The following SLC9A1 variants were observed in gnomAD, a reference collection of about 807,000 sequenced individuals.
SLC9A1 encodes solute carrier family 9 member A1, also known as sodium/hydrogen exchanger 1.
Under a neutral mutation model 67.9 loss-of-function variants are expected in SLC9A1, and 22 were observed. That is an observed-to-expected ratio of 0.32 (90% CI 0.23 to 0.46). The LOEUF is 0.46. SLC9A1 is among the 20% of genes least tolerant of loss of function. The pLI is 1.00. For missense variants in SLC9A1, 686 were observed against 1,094.8 expected (o/e 0.63, Z 5.27); for synonymous variants, 421 against 471.8 (o/e 0.89, Z 1.40).
chr1:27,118,200 G>A lies in SLC9A1; in HGVS notation c.353-3914C>T, dbSNP rs1323955591. On this transcript the variant is annotated intron_variant, in intron 1 of 11. Transcript: ENST00000263980. The surrounding 1 kb of genome is among the most constrained non-coding windows in gnomAD (Gnocchi z 4.3). Reference sequence around the variant, plus strand: ...CTGTTTTGTCTCTGGCGCTCAGTGAGCTGAAGGAGCTCTAGGCCCTGATGG... The same window carrying A: ...CTGTTTTGTCTCTGGCGCTCAGTGAACTGAAGGAGCTCTAGGCCCTGATGG... 6.6e-6 allele frequency among the ~76,000 whole-genome samples: 1 copy of A among 152,184 alleles called. No homozygotes were observed. Among genetic ancestry groups the A allele is most frequent in the Non-Finnish European group, 1.5e-5 (1 of 68,030 alleles).
rs1321263814 is a variant in SLC9A1, at chr1:27,102,713, C to T, written c.1606G>A (p.Asp536Asn). ...TGGTGACCGTAGTGGCCACAGATGTCTTCGATGCCTGTCAGAAGGTGGTCC... is the reference window on the plus strand; with the variant it reads ...TGGTGACCGTAGTGGCCACAGATGTTTTCGATGCCTGTCAGAAGGTGGTCC... ...FLDHLLTGIE[D>N]ICGHYGHHHW... The change falls in exon 7 of 12, where the codon GAC becomes AAC. Residue 536 changes from aspartate (D) to asparagine (N), a missense_variant. Physicochemically the swap from Asp to Asn is conservative, Grantham distance 23. Around this residue, in one of 7 missense-constraint regions of SLC9A1, gnomAD observed 168 missense variants for 375.4 expected, o/e 0.45. Transcript: ENST00000263980. The T allele has an allele frequency of 6.2e-7, 1 of 1,613,800 alleles. No homozygotes were observed. The highest frequency in any genetic ancestry group is 1.7e-5 in the Admixed American group (1 of 60,008).
chr1:27,110,579 T>C (rs2083221187), intron 2 of SLC9A1, among the ~76,000 whole-genome samples: 1 of 152,238 alleles, frequency 6.6e-6, no homozygotes, highest in South Asian at 2.1e-4. Flanking sequence ...GTAAAGCCCT[T>C]TGATAGTCTT....
intron 3 of SLC9A1, 67 bp from the exon 4 acceptor site, chr1:27,107,932 C>G: frequency 8.1e-7 from 1 of 1,227,192 alleles, no homozygotes; most frequent in Non-Finnish European, 1.2e-6. Flanking sequence ...CCTCCACTGC[C>G]AGGGGCAATG....
chr1:27,106,746 GGTTT>G lies in SLC9A1; in HGVS notation c.1283-663_1283-660del, dbSNP rs2083187624. 1.3e-5 allele frequency among the ~76,000 whole-genome samples: 2 copies of G among 152,020 alleles called. No individual in the cohort carries two copies. Among genetic ancestry groups the G allele is most frequent in the Non-Finnish European group, 2.9e-5 (2 of 67,980 alleles). On this transcript the variant is annotated intron_variant, in intron 4 of 11. Transcript: ENST00000263980. The surrounding 1 kb of genome is among the most constrained non-coding windows in gnomAD (Gnocchi z 4.3). ...CACGTGTGCCCCGGCCTGCTGCATA[GGTTT>G]GGAGGACTGCACGTGGCTCTGCATG...
At position 27,109,009 on chromosome 1, in the gene SLC9A1, G is replaced by T. The variant is rs1428636726; in HGVS notation, c.1064+518C>A. 6.6e-6 allele frequency among the ~76,000 whole-genome samples: 1 copy of T among 152,122 alleles called. No individual in the cohort carries two copies. Among genetic ancestry groups the T allele is most frequent in the African/African-American group, 2.4e-5 (1 of 41,438 alleles). ...GCCAGGGGCTCTGAACCCCAGTTCT[G>T]CCTTGCTCGGCACTGGAACACCTTC... On this transcript the variant is annotated intron_variant, in intron 3 of 11. Transcript: ENST00000263980. The surrounding 1 kb of genome is among the most constrained non-coding windows in gnomAD (Gnocchi z 5.5).
At position 27,101,696 on chromosome 1, in the gene SLC9A1, A is replaced by G. The variant is rs1428258196; in HGVS notation, c.2037+29T>C. On this transcript the variant is annotated intron_variant, in intron 10 of 11. Transcript: ENST00000263980. This position sits in a 1 kb window ranked among gnomAD's most constrained non-coding sequence, Gnocchi z 4.9. ...GGAGCTTGGGCGAGTGGGGTGGGAT[A>G]CAGATTCCCAGAGGAAGGCAGAGGC... 2.7e-6 allele frequency: 4 copies of G among 1,500,366 alleles called. No homozygotes were observed. The Admixed American group carries it at 5.2e-5, about 20-fold the overall frequency. The allele number at this position is 1,500,366 out of a possible 1,614,324, so 92.9% of individuals were successfully genotyped here.
At chr1:27,110,201 ATGCAGTGTT>A (rs1046717730) in intron 2 of SLC9A1, among the ~76,000 whole-genome samples, 1 of 152,200 alleles carries the variant, frequency 6.6e-6, no homozygotes, top group African/African-American at 2.4e-5. Flanking sequence ...GCCTTACCTG[ATGCAGTGTT>A]AGCCACATCT....
intron 3 of SLC9A1, among the ~76,000 whole-genome samples, chr1:27,108,769 C>G (rs1279267519): frequency 6.6e-6 from 1 of 152,192 alleles, no homozygotes; most frequent in Non-Finnish European, 1.5e-5. Context: ...ACCACAGTGT[C>G]CAACTCCAAA....
At position 27,109,721 on chromosome 1, in the gene SLC9A1, G is replaced by A; in HGVS notation, c.870C>T (p.Asp290=). Reference sequence around the variant, plus strand: ...AGAAGCTCAGGAAGCCGAGGAAGATGTCCACGATGCCCACGTGTTCGTAGT... The same window carrying A: ...AGAAGCTCAGGAAGCCGAGGAAGATATCCACGATGCCCACGTGTTCGTAGT... ...FANYEHVGIV[D]IFLGFLSFFV... Residue 290 remains aspartate, a synonymous_variant, in exon 3 of 12, where the codon GAC becomes GAT. Transcript: ENST00000263980. This position sits in a 1 kb window ranked among gnomAD's most constrained non-coding sequence, Gnocchi z 5.5. The A allele has an allele frequency of 5.0e-6, 8 of 1,614,102 alleles. No homozygotes were observed. Among genetic ancestry groups the A allele is most frequent in the East Asian group, 4.5e-5 (2 of 44,878 alleles).
At chr1:27,150,488 G>A (rs887779694) in intron 1 of SLC9A1, among the ~76,000 whole-genome samples, 3 of 152,194 alleles carry the variant, frequency 2.0e-5, no homozygotes, top group Admixed American at 1.3e-4. Context: ...TGGGAGTCAG[G>A]TGAACATGGA....
chr1:27,135,524 G>GAAAAA (rs1464533443), intron 1 of SLC9A1, among the ~76,000 whole-genome samples: 16 of 70,362 alleles, frequency 2.3e-4, no homozygotes, highest in African/African-American at 1.2e-3. Context: ...CCTTTTTTCT[G>GAAAAA]GAAAAAAAAA....
chr1:27,122,742 C>T (rs950833717), intron 1 of SLC9A1, among the ~76,000 whole-genome samples: 4 of 152,236 alleles, frequency 2.6e-5, no homozygotes, highest in African/African-American at 9.7e-5. Flanking sequence ...ATCATCCAAG[C>T]TCTGCATAAA....
At chr1:27,146,172 G>A (rs1434604458) in intron 1 of SLC9A1, among the ~76,000 whole-genome samples, 1 of 152,154 alleles carries the variant, frequency 6.6e-6, no homozygotes, top group African/African-American at 2.4e-5. Context: ...GGTGTGCTGA[G>A]CGAGCCTTCT....
chr1:27,119,485 T>C (rs922697288), intron 1 of SLC9A1, among the ~76,000 whole-genome samples: 3 of 152,198 alleles, frequency 2.0e-5, no homozygotes, highest in Non-Finnish European at 2.9e-5. Context: ...TCCATTTCTT[T>C]AACTCCCTCT....
At chr1:27,105,687 G>A (rs529791184) in intron 5 of SLC9A1, 198 bp downstream of exon 5, 3 of 715,934 alleles carry the variant, frequency 4.2e-6, no homozygotes, top group African/African-American at 3.5e-5. Flanking sequence ...ACTCTGCAAT[G>A]ACTCATCACA....
chr1:27,108,128 G>A (rs942077414), intron 3 of SLC9A1, among the ~76,000 whole-genome samples: 5 of 148,702 alleles, frequency 3.4e-5, no homozygotes, highest in South Asian at 4.2e-4. Context: ...GAGCAGTGGC[G>A]CGATCTTGGC....
In SLC9A1 at chr1:27,105,865, G is replaced by A. The variant is rs1347284613; in HGVS notation, c.1485+20C>T. 15 of 1,606,660 alleles carry A rather than the reference G, an allele frequency of 9.3e-6. No individual in the cohort carries two copies. The highest frequency in any genetic ancestry group is 1.3e-5 in the Non-Finnish European group (15 of 1,174,146). The stretch of plus-strand genomic sequence containing the variant: ...GTGAGGGTCCCCAAGGCAAGGGCCT[G>A]CCCTGCCCTGGCCCAGCACCTGCAC... On this transcript the variant is annotated intron_variant, in intron 5 of 11. Coordinates refer to ENST00000263980, the MANE Select transcript of SLC9A1 (RefSeq NM_003047.5).
intron 1 of SLC9A1, among the ~76,000 whole-genome samples, chr1:27,135,520 T>C (rs2083414657): frequency 8.6e-6 from 1 of 116,178 alleles, no homozygotes; most frequent in Non-Finnish European, 1.7e-5. Context: ...TCTTCCTTTT[T>C]TCTGGAAAAA....
Position 27,100,108 on chromosome 1 carries a change from C to G in SLC9A1, c.*199G>C. 2.1e-6 allele frequency: 1 copy of G among 470,666 alleles called. No individual in the cohort carries two copies. The highest frequency in any genetic ancestry group is 3.7e-6 in the Non-Finnish European group (1 of 268,722). The allele number at this position is 470,666 out of a possible 1,614,324, so 29.2% of individuals were successfully genotyped here. On this transcript the variant is annotated 3_prime_UTR_variant, in exon 12 of 12. Transcript: ENST00000263980. This position sits in a 1 kb window ranked among gnomAD's most constrained non-coding sequence, Gnocchi z 5.6. ...AGTTCTGCCAAATGGATTGGGGAGG[C>G]AGCTCTGGTGGGGAGGATGCTTCCC...
Sources: gnomAD v4.1 joint callset for allele counts (sites outside exome capture counted in the v4.1 genomes callset) on GRCh38, gnomAD v4.1.1 for gene constraint, gnomAD v4.1.1 regional missense constraint, Gnocchi (gnomAD v3.1) non-coding constraint, MANE v1.5 for transcripts, NCBI Gene and HGNC (gene_info 2026-07-23, HGNC 2026-07-21) for gene names.